FER1L6: variants seen among roughly 807,000 people sequenced by gnomAD.
FER1L6 encodes fer-1-like protein 6.
A neutral mutation model predicts 219.2 loss-of-function variants in FER1L6; 177 were observed. The observed-to-expected ratio is 0.81, with a 90% CI of 0.71 to 0.91. The LOEUF is 0.91. FER1L6 is among the 40% of genes least tolerant of loss of function. The pLI, the probability that FER1L6 is intolerant of heterozygous loss-of-function variation, is 0.00. For missense variants in FER1L6, 2,153 were observed against 2,259.9 expected (o/e 0.95, Z 0.96); for synonymous variants, 768 against 824.3 (o/e 0.93, Z 1.17).
At chr8:124,107,033 CCACCTCCCGGGTT>C (rs1332614241) in intron 39 of FER1L6, among the ~76,000 whole-genome samples, 44 of 150,812 alleles carry the variant, frequency 2.9e-4, no homozygotes, top group Admixed American at 9.3e-4. Context: ...ACTGCAAGCT[CCACCTCCCGGGTT>C]CACGCCATTC....
intron 32 of FER1L6, among the ~76,000 whole-genome samples, chr8:124,081,605 CA>C (rs1243602409): frequency 0.013 from 669 of 53,022 alleles, 5 homozygotes; most frequent in African/African-American, 0.039. Flanking sequence ...ATGCAGAGAC[CA>C]AAAAAAAAAA....
intron 8 of FER1L6, among the ~76,000 whole-genome samples, 170 bp from the exon 9 acceptor site, chr8:123,975,728 C>A (rs1051045916): frequency 1.3e-5 from 2 of 152,160 alleles, no homozygotes; most frequent in Non-Finnish European, 2.9e-5. Flanking sequence ...CTATTCATAC[C>A]ATTCTCTGTC....
In FER1L6 at chr8:123,853,790, T is replaced by C. The variant is rs1816572616; in HGVS notation, c.-8+1605T>C. Among the ~76,000 whole-genome samples, 1 of 152,220 alleles carries C rather than the reference T, an allele frequency of 6.6e-6. No homozygotes were observed. The highest frequency in any genetic ancestry group is 6.5e-5 in the Admixed American group (1 of 15,284). ...CAGTGTCAAGCACAGAGGCTGGTTT[T>C]CACTGAGAACGATGTAAGAAGGAAC... On this transcript the variant is annotated intron_variant, in intron 1 of 40. Coordinates refer to ENST00000522917, the MANE Select transcript of FER1L6 (RefSeq NM_001039112.2). This position sits in a 1 kb window ranked among gnomAD's most constrained non-coding sequence, Gnocchi z 6.6.
At chr8:123,920,024 A>C (rs1813312625) in intron 1 of FER1L6, among the ~76,000 whole-genome samples, 1 of 152,214 alleles carries the variant, frequency 6.6e-6, no homozygotes, top group South Asian at 2.1e-4. Flanking sequence ...TTCTCTTACA[A>C]AACACAATTT....
intron 20 of FER1L6, among the ~76,000 whole-genome samples, chr8:124,042,348 T>C (rs1228654227): frequency 6.6e-6 from 1 of 152,278 alleles, no homozygotes; most frequent in Non-Finnish European, 1.5e-5. Context: ...TAATAGCTGC[T>C]ATTTACTAAA....
chr8:124,041,203 TCTC>T (rs1408805050), intron 20 of FER1L6, among the ~76,000 whole-genome samples: 1 of 152,194 alleles, frequency 6.6e-6, no homozygotes, highest in African/African-American at 2.4e-5. Flanking sequence ...TTCTAGCTCA[TCTC>T]CTCTTTGGCT....
intron 1 of FER1L6, among the ~76,000 whole-genome samples, chr8:123,953,450 C>CCCATATA (rs1563704400): frequency 6.6e-6 from 1 of 152,176 alleles, no homozygotes; most frequent in Non-Finnish European, 1.5e-5. Flanking sequence ...CTTCCTTAGG[C>CCCATATA]GACTCCAATG....
At chr8:124,089,602 T>A (rs1272828419) in intron 33 of FER1L6, among the ~76,000 whole-genome samples, 1 of 152,208 alleles carries the variant, frequency 6.6e-6, no homozygotes, top group Non-Finnish European at 1.5e-5. Context: ...ACCAGCTTTA[T>A]TTTTTTAAAG....
At chr8:123,922,318 T>C (rs746747) in intron 1 of FER1L6, among the ~76,000 whole-genome samples, 32,619 of 152,070 alleles carry the variant, frequency 0.21, 4,061 homozygotes, top group East Asian at 0.42. Context: ...GAAGGTAACA[T>C]CTGTGGCTGG....
intron 1 of FER1L6, among the ~76,000 whole-genome samples, chr8:123,871,623 G>A (rs1324576155): frequency 1.3e-5 from 2 of 152,126 alleles, no homozygotes; most frequent in Non-Finnish European, 2.9e-5. Context: ...TAAGTAAATA[G>A]AATAGATAAA....
chr8:123,864,774 G>A (rs1305450335), intron 1 of FER1L6, among the ~76,000 whole-genome samples: 5 of 149,710 alleles, frequency 3.3e-5, no homozygotes, highest in Non-Finnish European at 7.4e-5. Flanking sequence ...TGATCGCATC[G>A]GCTCCTGAGG....
At chr8:124,070,860 T>C (rs1181120931) in intron 30 of FER1L6, among the ~76,000 whole-genome samples, 4 of 152,208 alleles carry the variant, frequency 2.6e-5, no homozygotes, top group Non-Finnish European at 5.9e-5. Flanking sequence ...AACTTTACTT[T>C]GTTCTCTCCC....
chr8:124,010,475 T>C (rs1006872352), intron 13 of FER1L6, 119 bp from the exon 14 acceptor site: 2 of 1,197,262 alleles, frequency 1.7e-6, no homozygotes, highest in Non-Finnish European at 2.3e-6. Flanking sequence ...AAAAGTTTGA[T>C]AGTTTTTTCA....
chr8:124,119,188 A>C (rs1340726902), intron 40 of FER1L6, among the ~76,000 whole-genome samples: 3 of 152,162 alleles, frequency 2.0e-5, no homozygotes, highest in Non-Finnish European at 4.4e-5. Flanking sequence ...CACATTCATA[A>C]AATAGTTGTC....
Position 124,119,720 on chromosome 8 carries a change from T to A in FER1L6, c.5504T>A (p.Ile1835Asn). The A allele has an allele frequency of 6.2e-7, 1 of 1,613,360 alleles. No homozygotes were observed. The highest frequency in any genetic ancestry group is 8.5e-7 in the Non-Finnish European group (1 of 1,179,568). The stretch of plus-strand genomic sequence containing the variant: ...ATTGCTTTCATTCTCATCATCCTCA[T>A]CATCTTCCTCGTCCTTTTCATCTAC... Reference protein sequence around the residue: ...IIIAFILIILIIFLVLFIYTL... With the variant: ...IIIAFILIILNIFLVLFIYTL... The change falls in exon 41 of 41, where the codon ATC becomes AAC. Residue 1835 changes from isoleucine to asparagine, a missense_variant. Physicochemically the swap from Ile to Asn is moderately radical, Grantham distance 149 (BLOSUM62 -3). Coordinates refer to ENST00000522917, the MANE Select transcript of FER1L6 (RefSeq NM_001039112.2).
chr8:124,003,148 C>T lies in FER1L6; in HGVS notation c.1520-19C>T. The T allele has an allele frequency of 1.2e-6, 2 of 1,609,980 alleles. No homozygotes were observed. Among genetic ancestry groups the T allele is most frequent in the Non-Finnish European group, 1.7e-6 (2 of 1,177,396 alleles). On this transcript the variant is annotated intron_variant, in intron 12 of 40. Transcript: ENST00000522917. Reference sequence around the variant, plus strand: ...ATTACCACCACCTGACCCCTTTCCCCTTGCTACTGCCTCTGCAGGTAATTT... The same window carrying T: ...ATTACCACCACCTGACCCCTTTCCCTTTGCTACTGCCTCTGCAGGTAATTT...
At chr8:123,867,730 G>C (rs561731821) in intron 1 of FER1L6, among the ~76,000 whole-genome samples, 1 of 152,126 alleles carries the variant, frequency 6.6e-6, no homozygotes, top group Non-Finnish European at 1.5e-5. Flanking sequence ...ATATTTGCAC[G>C]TAGCTGTTTT....
At chr8:123,897,644 G>C (rs905506613) in intron 1 of FER1L6, among the ~76,000 whole-genome samples, 4 of 152,214 alleles carry the variant, frequency 2.6e-5, no homozygotes, top group African/African-American at 9.6e-5. Context: ...TGATGATTTT[G>C]CATGTCCAGG....
At chr8:124,052,201 A>G (rs905517934) in intron 22 of FER1L6, among the ~76,000 whole-genome samples, 4 of 152,204 alleles carry the variant, frequency 2.6e-5, no homozygotes, top group African/African-American at 9.6e-5. Context: ...TTGATTTTAG[A>G]CTTTCAACGA....
Sources: allele counts gnomAD v4.1 joint callset (sites outside exome capture counted in the v4.1 genomes callset), GRCh38; gene constraint gnomAD v4.1.1; non-coding constraint Gnocchi (gnomAD v3.1); transcripts MANE v1.5; gene names NCBI Gene and HGNC (gene_info 2026-07-23, HGNC 2026-07-21).